SPNS2: variants seen among roughly 807,000 people sequenced by gnomAD.
The protein encoded by SPNS2 is sphingosine-1-phosphate transporter SPNS2.
In SPNS2, 37 loss-of-function variants were observed where a neutral mutation model predicts 57.6. The ratio of observed to expected loss-of-function variants is 0.64; its 90% CI spans 0.49 to 0.85. SPNS2 has a LOEUF of 0.85. Among genes scored for constraint, SPNS2 ranks in the 40% least tolerant of loss-of-function variants. SPNS2 has a pLI of 0.00. For synonymous variants in SPNS2, 440 were observed against 346.9 expected (o/e 1.27, Z -2.98); for missense variants, 831 against 779.1 (o/e 1.07, Z -0.79).
chr17:4,538,510 G>A lies in SPNS2; in HGVS notation c.*1062G>A, dbSNP rs1473001565. On this transcript the variant is annotated 3_prime_UTR_variant, in exon 13 of 13. Coordinates refer to ENST00000329078, the MANE Select transcript of SPNS2 (RefSeq NM_001124758.3). ...CTTCGATCACCCACCTCCCATCCATGCACACACCAGGATGCAGCTGCCAAC... is the reference window on the plus strand; with the variant it reads ...CTTCGATCACCCACCTCCCATCCATACACACACCAGGATGCAGCTGCCAAC... The A allele has an allele frequency of 1.4e-5, 4 of 292,160 alleles. No homozygotes were observed. Among genetic ancestry groups the A allele is most frequent in the South Asian group, 9.9e-5 (3 of 30,330 alleles). 18.1% of individuals were successfully genotyped at this position (292,160 alleles called of 1,614,324 possible).
Position 4,499,123 on chromosome 17 carries a change from C to G in SPNS2, c.76C>G (p.Arg26Gly). 1 of 1,127,978 alleles carries G rather than the reference C, an allele frequency of 8.9e-7. No individual in the cohort carries two copies. Among genetic ancestry groups the G allele is most frequent in the Non-Finnish European group, 1.1e-6 (1 of 921,766 alleles). The allele number at this position is 1,127,978 out of a possible 1,614,324, so 69.9% of individuals were successfully genotyped here. The change falls in exon 1 of 13, where the codon CGG (arginine) becomes GGG (glycine). Residue 26 changes from arginine (R) to glycine (G), a missense_variant. Transcript: ENST00000329078. This position sits in a 1 kb window ranked among gnomAD's most constrained non-coding sequence, Gnocchi z 5.2. ...EEEADAERRR[R>G]RRGAQRGAGG... ...GGAGGCGGACGCGGAGCGGCGGCGCCGGCGCCGGGGGGCGCAGCGAGGGGC... is the reference window on the plus strand; with the variant it reads ...GGAGGCGGACGCGGAGCGGCGGCGCGGGCGCCGGGGGGCGCAGCGAGGGGC...
intron 9 of SPNS2, among the ~76,000 whole-genome samples, chr17:4,535,756 CTT>C (rs920357299): frequency 8.5e-5 from 13 of 152,048 alleles, no homozygotes; most frequent in Middle Eastern, 3.2e-3. Context: ...GCCAATGACG[CTT>C]TCAGTATGGG....
rs866543765 is a variant in SPNS2, at chr17:4,512,717, C to T, written c.371-530C>T. ...GTGTGCAGGTGTGTGCACACACGTG[C>T]GTGCGTGTGCAGGTGTGTGTGTGCA... On this transcript the variant is annotated intron_variant, in intron 1 of 12. Transcript: ENST00000329078. This position sits in a 1 kb window ranked among gnomAD's most constrained non-coding sequence, Gnocchi z 5.2. Among the ~76,000 whole-genome samples, 7 of 151,514 alleles carry T rather than the reference C, an allele frequency of 4.6e-5. No homozygotes were observed. The highest frequency in any genetic ancestry group is 1.9e-4 in the East Asian group (1 of 5,144).
intron 2 of SPNS2, among the ~76,000 whole-genome samples, chr17:4,515,647 G>C (rs1455079970): frequency 6.6e-6 from 1 of 152,240 alleles, no homozygotes; most frequent in Non-Finnish European, 1.5e-5. Flanking sequence ...TGGACAACTA[G>C]GCAAGTCACA....
At chr17:4,528,645 T>G (rs11655716) in intron 3 of SPNS2, among the ~76,000 whole-genome samples, 29,136 of 151,880 alleles carry the variant, frequency 0.19, 3,407 homozygotes, top group East Asian at 0.57. Flanking sequence ...CCCAGCTAAT[T>G]TTTGTATTTT....
At chr17:4,530,943 G>A (rs1302842380) in intron 4 of SPNS2, 110 bp from the exon 5 acceptor site, 15 of 1,490,798 alleles carry the variant, frequency 1.0e-5, no homozygotes, top group Non-Finnish European at 1.4e-5. Flanking sequence ...CCTGCTCCCT[G>A]GCCAGCTGGC....
intron 2 of SPNS2, among the ~76,000 whole-genome samples, chr17:4,518,361 A>G: frequency 6.6e-6 from 1 of 152,172 alleles, no homozygotes; most frequent in Non-Finnish European, 1.5e-5. Context: ...CGTCTCTGCT[A>G]AAAATACAAA....
At chr17:4,536,777 G>A in intron 11 of SPNS2, 123 bp from the exon 12 acceptor site, 1 of 790,868 alleles carries the variant, frequency 1.3e-6, no homozygotes. Context: ...TCCCCCTGGG[G>A]CTGACGAGGT....
At chr17:4,502,545 T>TCTA (rs1904549730) in intron 1 of SPNS2, among the ~76,000 whole-genome samples, 1 of 152,146 alleles carries the variant, frequency 6.6e-6, no homozygotes, top group Admixed American at 6.5e-5. Flanking sequence ...ACAGTGCAGG[T>TCTA]CTAGAGTCTT....
intron 12 of SPNS2, among the ~76,000 whole-genome samples, chr17:4,537,223 ACT>A (rs1366391423): frequency 4.6e-5 from 7 of 151,310 alleles, no homozygotes; most frequent in African/African-American, 1.7e-4. Flanking sequence ...GGAACTCCTC[ACT>A]CTGTCCGGAC....
chr17:4,502,154 T>C (rs1344298304), intron 1 of SPNS2, among the ~76,000 whole-genome samples: 1 of 152,048 alleles, frequency 6.6e-6, no homozygotes, highest in Non-Finnish European at 1.5e-5. Flanking sequence ...GGCGGGTGGA[T>C]CACCTGAGGT....
At chr17:4,533,580 G>A (rs1183658717) in intron 8 of SPNS2, 148 bp downstream of exon 8, 1 of 1,044,460 alleles carries the variant, frequency 9.6e-7, no homozygotes, top group Non-Finnish European at 1.4e-6. Context: ...TCCCCAGCCT[G>A]GCCACACACA....
At chr17:4,529,050 C>T (rs965415739) in intron 3 of SPNS2, among the ~76,000 whole-genome samples, 1 of 152,018 alleles carries the variant, frequency 6.6e-6, no homozygotes, top group African/African-American at 2.4e-5. Context: ...AACTCTCTGC[C>T]TCAGCCTCTC....
chr17:4,508,780 T>G (rs769576297), intron 1 of SPNS2, among the ~76,000 whole-genome samples: 4 of 152,182 alleles, frequency 2.6e-5, no homozygotes, highest in African/African-American at 4.8e-5. Context: ...ATTGGTACCA[T>G]TACTGAGCCA....
chr17:4,508,944 G>C (rs984775731), intron 1 of SPNS2, among the ~76,000 whole-genome samples: 1 of 152,252 alleles, frequency 6.6e-6, no homozygotes, highest in Non-Finnish European at 1.5e-5. Flanking sequence ...AGATTCGTAA[G>C]AGCTTGTGAG....
At position 4,512,676 on chromosome 17, in the gene SPNS2, G is replaced by A. The variant is rs902053996; in HGVS notation, c.371-571G>A. ...CGCGCACGGGTATGTGTGTGCGCGC[G>A]TGGGTGTGTATGCATGTGTGCAGGT... On this transcript the variant is annotated intron_variant, in intron 1 of 12. Transcript: ENST00000329078. The surrounding 1 kb of genome is among the most constrained non-coding windows in gnomAD (Gnocchi z 5.2). Among the ~76,000 whole-genome samples, 2 of 150,336 alleles carry A rather than the reference G, an allele frequency of 1.3e-5. No individual in the cohort carries two copies. Among genetic ancestry groups the A allele is most frequent in the African/African-American group, 5.0e-5 (2 of 39,954 alleles).
chr17:4,499,522 T>A lies in SPNS2; in HGVS notation c.370+105T>A. On this transcript the variant is annotated intron_variant, in intron 1 of 12. Transcript: ENST00000329078. This position sits in a 1 kb window ranked among gnomAD's most constrained non-coding sequence, Gnocchi z 5.2. ...AGCTTTTGGTCTCAGGCCTGCTATC[T>A]CCAGGCCCTACGTGAGGTCCCTACG... The A allele has an allele frequency of 1.5e-6, 1 of 687,256 alleles. No homozygotes were observed. The highest frequency in any genetic ancestry group is 2.1e-6 in the Non-Finnish European group (1 of 467,350). The allele number at this position is 687,256 out of a possible 1,614,324, so 42.6% of individuals were successfully genotyped here.
rs531822190 is a variant in SPNS2 at position 4,511,154 on chromosome 17, A to G, written c.371-2093A>G. Among the ~76,000 whole-genome samples, 2 of 152,310 alleles carry G rather than the reference A, an allele frequency of 1.3e-5. No individual in the cohort carries two copies. Among genetic ancestry groups the G allele is most frequent in the African/African-American group, 4.8e-5 (2 of 41,564 alleles). On this transcript the variant is annotated intron_variant, in intron 1 of 12. Coordinates refer to ENST00000329078, the MANE Select transcript of SPNS2 (RefSeq NM_001124758.3). The surrounding 1 kb of genome is among the most constrained non-coding windows in gnomAD (Gnocchi z 4.6). ...AGCTGTGCTTCTGTGTGCATTCCCT[A>G]TAGAACCCACTCATCCTGGTAGGCC...
chr17:4,538,559 TG>T lies in SPNS2; in HGVS notation c.*1116del, dbSNP rs1906009145. ...ACTTCACACCAGCCCCAACCCGCTT[TG>T]GGGGAGCTTAGCCCCCTGCGTCACC... is the stretch of plus-strand genomic sequence containing the variant. On this transcript the variant is annotated 3_prime_UTR_variant, in exon 13 of 13. Transcript: ENST00000329078. The T allele has an allele frequency of 8.5e-6, 3 of 351,370 alleles. No individual in the cohort carries two copies. In the Admixed American group the frequency reaches 1.4e-4, roughly 16 times the overall value. The allele number at this position is 351,370 out of a possible 1,614,324, so 21.8% of individuals were successfully genotyped here. A position where few individuals can be genotyped will look rare whatever the true frequency, so the allele number is the denominator to read the frequency against.
Sources: allele counts gnomAD v4.1 joint callset (sites outside exome capture counted in the v4.1 genomes callset), GRCh38; gene constraint gnomAD v4.1.1; non-coding constraint Gnocchi (gnomAD v3.1); transcripts MANE v1.5; gene names NCBI Gene and HGNC (gene_info 2026-07-23, HGNC 2026-07-21).